TTC34: variants seen among roughly 807,000 people sequenced by gnomAD.
TTC34 encodes the protein tetratricopeptide repeat domain 34, also known as tetratricopeptide repeat protein 34.
TTC34 carries 44 observed loss-of-function variants against 40.7 expected under a neutral mutation model. The ratio of observed to expected loss-of-function variants is 1.08; its 90% confidence interval spans 0.85 to 1.39. TTC34 has a LOEUF of 1.39. TTC34 is among the 40% of genes most tolerant of loss of function. The pLI is 0.00. For missense variants in TTC34, 884 were observed against 838.0 expected, an observed-to-expected ratio of 1.05 and a Z score of -0.68; for synonymous variants, 422 against 398.6, an observed-to-expected ratio of 1.06 and a Z score of -0.70.
At chr1:2,752,494 C>A (rs1641355431) in intron 6 of TTC34, among the ~76,000 whole-genome samples, 2 of 134,970 alleles carry the variant, frequency 1.5e-5, no homozygotes, top group Admixed American at 7.4e-5. Flanking sequence ...ACCCACACAG[C>A]CAGGTGAGCA....
At position 2,660,755 on chromosome 1, in the gene TTC34, C is replaced by A. The variant is rs1313963320; in HGVS notation, c.2227-15192G>T. Among the ~76,000 whole-genome samples, 2 of 118,052 alleles carry A rather than the reference C, an allele frequency of 1.7e-5. 1 individual carries two copies. The highest frequency in any genetic ancestry group is 7.1e-5 in the African/African-American group (2 of 28,278). 77.4% of individuals were successfully genotyped at this position (118,052 alleles called of 152,430 possible). On this transcript the variant is annotated intron_variant, in intron 6 of 8. Transcript: ENST00000401095. ...ATCGTGGAGCAGCACCCCACACCCA[C>A]AGGTGAGCATCTGACAGACTGGAGC...
intron 6 of TTC34, among the ~76,000 whole-genome samples, chr1:2,768,248 C>G (rs1216972670): frequency 6.6e-6 from 1 of 151,912 alleles, no homozygotes; most frequent in South Asian, 2.1e-4. Flanking sequence ...AGTGCCATTC[C>G]AGGCTGCCAG....
At chr1:2,694,819 A>G (rs373431186) in intron 6 of TTC34, among the ~76,000 whole-genome samples, 4 of 35,836 alleles carry the variant, frequency 1.1e-4, no homozygotes, top group East Asian at 1.4e-3. Flanking sequence ...ACAGCCTGGA[A>G]CGACACCCAC....
At chr1:2,777,108 C>T (rs1643223821) in intron 6 of TTC34, among the ~76,000 whole-genome samples, 2 of 63,564 alleles carry the variant, frequency 3.1e-5, no homozygotes. Flanking sequence ...GAGCACCTGA[C>T]AGCCTGGAAC....
intron 2 of TTC34, among the ~76,000 whole-genome samples, chr1:2,798,304 C>T (rs1442162565): frequency 1.1e-5 from 1 of 92,596 alleles, no homozygotes; most frequent in East Asian, 4.1e-4. Context: ...CCCCTCAGCT[C>T]CCCAGCCCCC....
chr1:2,751,482 CCCA>C (rs1641317657), intron 6 of TTC34, among the ~76,000 whole-genome samples: 61 of 104,944 alleles, frequency 5.8e-4, no homozygotes, highest in Admixed American at 1.5e-3. Context: ...GAACTGCACC[CCCA>C]TGCCCAGGTG....
At chr1:2,643,998 C>A (rs903458878) in intron 8 of TTC34, among the ~76,000 whole-genome samples, 1 of 152,220 alleles carries the variant, frequency 6.6e-6, no homozygotes, top group Non-Finnish European at 1.5e-5. Flanking sequence ...AGGGCAAGGT[C>A]CTCTTCCCTC....
chr1:2,653,213 G>A (rs1570755674), intron 6 of TTC34, among the ~76,000 whole-genome samples: 1 of 143,608 alleles, frequency 7.0e-6, no homozygotes, highest in South Asian at 2.2e-4. Flanking sequence ...ACACCCCCAG[G>A]TGAACATCTG....
intron 6 of TTC34, among the ~76,000 whole-genome samples, chr1:2,688,559 C>G (rs1293759534): frequency 7.0e-6 from 1 of 142,294 alleles, no homozygotes; most frequent in South Asian, 2.2e-4. Context: ...ACCCACGGAG[C>G]AGCACCCACA....
chr1:2,791,754 T>G (rs1298477336), intron 2 of TTC34, among the ~76,000 whole-genome samples: 2 of 152,096 alleles, frequency 1.3e-5, no homozygotes, highest in Non-Finnish European at 2.9e-5. Context: ...GGAGAACCCT[T>G]GGGACCTGAG....
chr1:2,693,535 CGGCACCCACACCCCCAGGTG>C (rs1640724018), intron 6 of TTC34, among the ~76,000 whole-genome samples: 6 of 102,640 alleles, frequency 5.8e-5, no homozygotes, highest in South Asian at 6.3e-4. Context: ...CAGCCTGGAA[CGGCACCCACACCCCCAGGTG>C]AGCATCTGAT....
At chr1:2,777,614 C>T (rs549733601) in intron 6 of TTC34, among the ~76,000 whole-genome samples, 1 of 152,040 alleles carries the variant, frequency 6.6e-6, no homozygotes, top group South Asian at 2.1e-4. Flanking sequence ...TGCTGCTGAG[C>T]CCCAGCGCTG....
At chr1:2,767,555 A>T (rs1490554241) in intron 6 of TTC34, among the ~76,000 whole-genome samples, 3 of 95,154 alleles carry the variant, frequency 3.2e-5, no homozygotes, top group African/African-American at 1.3e-4. Context: ...ATAAAACAGC[A>T]CCCTGCAACC....
intron 6 of TTC34, among the ~76,000 whole-genome samples, chr1:2,751,414 T>C (rs1641315005): frequency 5.0e-5 from 6 of 120,986 alleles, no homozygotes; most frequent in South Asian, 2.8e-4. Context: ...CACACACAGG[T>C]GGGCATCTGA....
chr1:2,684,545 C>G (rs796503705), intron 6 of TTC34, among the ~76,000 whole-genome samples: 6 of 111,452 alleles, frequency 5.4e-5, no homozygotes, highest in African/African-American at 1.5e-4. Flanking sequence ...CATCCTGAAA[C>G]AGCTCCCACA....
intron 6 of TTC34, among the ~76,000 whole-genome samples, chr1:2,749,386 TG>T (rs1641243522): frequency 1.1e-5 from 1 of 87,166 alleles, no homozygotes; most frequent in Admixed American, 1.2e-4. Context: ...CCTGACAGCC[TG>T]GAACAGCACC....
intron 6 of TTC34, among the ~76,000 whole-genome samples, chr1:2,767,351 GT>G (rs1641797268): frequency 2.2e-5 from 1 of 45,270 alleles, no homozygotes; most frequent in Non-Finnish European, 4.0e-5. Flanking sequence ...CGCATGGAAT[GT>G]CATCCTCACT....
chr1:2,685,268 G>A (rs370515895), intron 6 of TTC34, among the ~76,000 whole-genome samples: 4,656 of 25,092 alleles, frequency 0.19, 9 homozygotes, highest in East Asian at 0.3. Context: ...GCCTGGAACA[G>A]CACCCTGCAC....
intron 6 of TTC34, among the ~76,000 whole-genome samples, chr1:2,646,074 C>G (rs1197245605): frequency 6.6e-6 from 1 of 152,168 alleles, no homozygotes. Context: ...CCCGTAACTC[C>G]CAGAAGCAGT....
Sources: allele counts gnomAD v4.1 joint callset (sites outside exome capture counted in the v4.1 genomes callset), GRCh38; gene constraint gnomAD v4.1.1; transcripts MANE v1.5; gene names NCBI Gene and HGNC (gene_info 2026-07-23, HGNC 2026-07-21).